The following DNAH7 variants were observed in gnomAD, a reference collection of about 807,000 sequenced individuals.
The protein encoded by DNAH7 is axonemal beta dynein heavy chain 7.
DNAH7 carries 397 observed loss-of-function variants against 444.6 expected under a neutral mutation model. The observed-to-expected ratio is 0.89, with a 90% CI of 0.82 to 0.97. DNAH7 has a LOEUF of 0.97. DNAH7 is among the 50% of genes least tolerant of loss of function. The pLI, the probability that DNAH7 is intolerant of heterozygous loss-of-function variation, is 0.00. For missense variants in DNAH7, 4,902 were observed against 4,800.8 expected, an observed-to-expected ratio of 1.02 and a Z score of -0.62; for synonymous variants, 1,636 against 1,624.4, an observed-to-expected ratio of 1.01 and a Z score of -0.17.
At chr2:195,990,698 GGTT>G (rs1180253668) in intron 12 of DNAH7, among the ~76,000 whole-genome samples, 2 of 149,598 alleles carry the variant, frequency 1.3e-5, no homozygotes, top group African/African-American at 4.9e-5. Context: ...TTTATTTCTA[GGTT>G]ATCTATGCCA....
At chr2:195,778,232 T>C (rs1695159762) in intron 58 of DNAH7, among the ~76,000 whole-genome samples, 1 of 152,154 alleles carries the variant, frequency 6.6e-6, no homozygotes, top group African/African-American at 2.4e-5. Flanking sequence ...ATTTATTGTC[T>C]ATTCAACCAA....
chr2:195,926,956 C>A (rs952480592), intron 21 of DNAH7, among the ~76,000 whole-genome samples: 1 of 151,942 alleles, frequency 6.6e-6, no homozygotes, highest in Non-Finnish European at 1.5e-5. Context: ...AGATTATTTT[C>A]TTTTAATTTA....
Position 195,984,729 on chromosome 2 carries a change from C to A in DNAH7, c.1755-19G>T. The stretch of plus-strand genomic sequence containing the variant: ...GCATAATCTGAAACACCAAGTAAAA[C>A]CAATCTTACATATTTACAGTTCAAT... On this transcript the variant is annotated intron_variant, in intron 14 of 64. Transcript: ENST00000312428. 1.2e-6 allele frequency: 2 copies of A among 1,608,062 alleles called. No individual in the cohort carries two copies. Among genetic ancestry groups the A allele is most frequent in the East Asian group, 4.5e-5 (2 of 44,788 alleles).
At chr2:195,929,422 C>G (rs532072807) in intron 21 of DNAH7, among the ~76,000 whole-genome samples, 7 of 152,254 alleles carry the variant, frequency 4.6e-5, no homozygotes, top group African/African-American at 1.7e-4. Context: ...CAAAGAAATT[C>G]TAAGCAAAAA....
intron 12 of DNAH7, chr2:195,994,403 A>G: frequency 1.4e-6 from 1 of 714,634 alleles, no homozygotes; most frequent in Non-Finnish European, 2.4e-6. Context: ...GGTTAGAAGG[A>G]ATTTGGTCCT....
intron 41 of DNAH7, among the ~76,000 whole-genome samples, chr2:195,862,784 C>T (rs1700097250): frequency 6.6e-6 from 1 of 152,094 alleles, no homozygotes; most frequent in South Asian, 2.1e-4. Flanking sequence ...ACCTGTAATC[C>T]CAGCACTTTG....
chr2:195,762,553 C>T (rs1347148708), intron 61 of DNAH7, among the ~76,000 whole-genome samples: 1 of 151,844 alleles, frequency 6.6e-6, no homozygotes, highest in African/African-American at 2.4e-5. Context: ...CATGCCAATA[C>T]AAACCATAAA....
intron 58 of DNAH7, among the ~76,000 whole-genome samples, chr2:195,785,775 T>C (rs1275104589): frequency 1.3e-5 from 2 of 152,142 alleles, no homozygotes; most frequent in African/African-American, 4.8e-5. Flanking sequence ...CATTAAATAA[T>C]ATTTTAAATT....
chr2:195,927,911 A>T (rs1688447562), intron 21 of DNAH7, among the ~76,000 whole-genome samples: 1 of 152,044 alleles, frequency 6.6e-6, no homozygotes, highest in Non-Finnish European at 1.5e-5. Flanking sequence ...TTTTTAAAAG[A>T]TACTTATTTT....
At chr2:195,741,731 CAT>C (rs1360800379) in intron 63 of DNAH7, among the ~76,000 whole-genome samples, 1 of 152,154 alleles carries the variant, frequency 6.6e-6, no homozygotes, top group Non-Finnish European at 1.5e-5. Context: ...AATCAGCTAA[CAT>C]AGGGGGAAAT....
At chr2:195,862,349 T>C (rs1488257544) in intron 41 of DNAH7, among the ~76,000 whole-genome samples, 1 of 152,232 alleles carries the variant, frequency 6.6e-6, no homozygotes, top group Admixed American at 6.5e-5. Flanking sequence ...TCCTCTCTTC[T>C]TTCTTTGTCT....
At chr2:195,952,997 TGGA>T (rs769592957) in intron 19 of DNAH7, among the ~76,000 whole-genome samples, 7 of 152,208 alleles carry the variant, frequency 4.6e-5, no homozygotes, top group Non-Finnish European at 8.8e-5. Flanking sequence ...TGTAATCCTT[TGGA>T]GGAGAAGAGG....
In DNAH7 at chr2:195,771,745, G is replaced by A. The variant is rs764589924; in HGVS notation, c.11348C>T (p.Thr3783Ile). ...YPTTYTQSMN[T>I]VLVQEMGRFN... Reference sequence around the variant, plus strand: ...CCGTCCCATCTCTTGGACAAGTACAGTGTTCATGCTCTGAGTATAAGTTGT... The same window carrying A: ...CCGTCCCATCTCTTGGACAAGTACAATGTTCATGCTCTGAGTATAAGTTGT... The change falls in exon 61 of 65, where the codon ACT becomes ATT. Residue 3783 changes from threonine (T) to isoleucine (I), a missense_variant. Coordinates refer to ENST00000312428, the MANE Select transcript of DNAH7 (RefSeq NM_018897.3). 2 of 1,614,130 alleles carry A rather than the reference G, an allele frequency of 1.2e-6. No individual in the cohort carries two copies. The highest frequency in any genetic ancestry group is 2.2e-5 in the South Asian group (2 of 91,084).
intron 5 of DNAH7, among the ~76,000 whole-genome samples, chr2:196,041,100 T>C (rs1416472807): frequency 1.3e-5 from 2 of 151,734 alleles, no homozygotes; most frequent in Non-Finnish European, 2.9e-5. Context: ...ATTGGAAAAA[T>C]TATTATTGTT....
chr2:195,760,527 T>C (rs1216002222), intron 61 of DNAH7, among the ~76,000 whole-genome samples: 1 of 152,060 alleles, frequency 6.6e-6, no homozygotes, highest in Non-Finnish European at 1.5e-5. Context: ...TTGGTGGCCA[T>C]ATGGGTGTTT....
chr2:196,045,266 G>C (rs924788081), intron 5 of DNAH7, among the ~76,000 whole-genome samples: 2 of 146,620 alleles, frequency 1.4e-5, no homozygotes, highest in African/African-American at 5.1e-5. Context: ...AGAAGGGAAG[G>C]GAATGAAAGG....
intron 10 of DNAH7, 48 bp downstream of exon 10, chr2:196,012,739 T>C: frequency 6.3e-7 from 1 of 1,583,758 alleles, no homozygotes; most frequent in South Asian, 1.2e-5. Context: ...TAGCCCACAA[T>C]CATATTTTTA....
chr2:195,796,101 G>A (rs998989032), intron 56 of DNAH7, among the ~76,000 whole-genome samples: 4 of 152,198 alleles, frequency 2.6e-5, no homozygotes, highest in Non-Finnish European at 5.9e-5. Context: ...GGTGGGAACA[G>A]TGCCCTTTGG....
At chr2:196,025,562 G>A (rs1476022244) in intron 7 of DNAH7, among the ~76,000 whole-genome samples, 1 of 152,098 alleles carries the variant, frequency 6.6e-6, no homozygotes. Flanking sequence ...CCTAGGCCAA[G>A]CATGTTCCCG....
Sources: gnomAD v4.1 joint callset for allele counts (sites outside exome capture counted in the v4.1 genomes callset) on GRCh38, gnomAD v4.1.1 for gene constraint, MANE v1.5 for transcripts, NCBI Gene and HGNC (gene_info 2026-07-23, HGNC 2026-07-21) for gene names.